The following CNTNAP2 variants were observed in gnomAD, a reference collection of about 807,000 sequenced individuals.
CNTNAP2 encodes contactin-associated protein-like 2.
In CNTNAP2, 98 loss-of-function variants were observed where a neutral mutation model predicts 155.2. That is an observed-to-expected ratio of 0.63 (90% CI 0.54 to 0.75). CNTNAP2 has a LOEUF of 0.75. Among genes scored for constraint, CNTNAP2 ranks in the 30% least tolerant of loss-of-function variants. The pLI is 0.00. For missense variants in CNTNAP2, 1,727 were observed against 1,688.1 expected (o/e 1.02, Z -0.40); for synonymous variants, 651 against 631.2 (o/e 1.03, Z -0.47).
rs150830199 is a variant in CNTNAP2, at chr7:146,720,252, G to C, written c.98-54019G>C. Among the ~76,000 whole-genome samples the C allele has an allele frequency of 2.8e-3, 426 of 152,184 alleles. 1 individual carries two copies. The highest frequency in any genetic ancestry group is 9.9e-3 in the African/African-American group (410 of 41,546). On this transcript the variant is annotated intron_variant, in intron 1 of 23. Transcript: ENST00000361727. The stretch of plus-strand genomic sequence containing the variant: ...TTATCCCTATTGTCTACTCCAAAAT[G>C]CTGTCAGCACAGTTTCTCCAGCCCC...
chr7:148,165,836 C>T lies in CNTNAP2; in HGVS notation c.2774-6406C>T, dbSNP rs890827915. Among the ~76,000 whole-genome samples the T allele has an allele frequency of 3.9e-5, 6 of 152,310 alleles. No homozygotes were observed. The East Asian group carries it at 7.7e-4, about 20-fold the overall frequency. On this transcript the variant is annotated intron_variant, in intron 17 of 23. Transcript: ENST00000361727. Reference sequence around the variant, plus strand: ...GGGATTAACCTGCAGGCAAGAAGCACGTCCTCATCATCATTTTACAAATGG... The same window carrying T: ...GGGATTAACCTGCAGGCAAGAAGCATGTCCTCATCATCATTTTACAAATGG...
chr7:146,518,353 C>G (rs1199389113), intron 1 of CNTNAP2, among the ~76,000 whole-genome samples: 14 of 151,824 alleles, frequency 9.2e-5, no homozygotes, highest in Non-Finnish European at 7.4e-5. Context: ...ATAAGAATAA[C>G]TTAAATAAAC....
intron 4 of CNTNAP2, among the ~76,000 whole-genome samples, chr7:147,097,037 A>G (rs17170318): frequency 0.027 from 4,113 of 152,316 alleles, 414 homozygotes; most frequent in East Asian, 0.19. Flanking sequence ...AAATTACAGA[A>G]TTGTTGTAAT....
intron 22 of CNTNAP2, among the ~76,000 whole-genome samples, chr7:148,400,389 G>T (rs917326289): frequency 6.6e-6 from 1 of 152,102 alleles, no homozygotes; most frequent in African/African-American, 2.4e-5. Flanking sequence ...CTTCCTTCTT[G>T]CACTCCTGTT....
intron 9 of CNTNAP2, among the ~76,000 whole-genome samples, chr7:147,387,826 AAAAACT>A (rs543946682): frequency 1.3e-3 from 205 of 152,252 alleles, no homozygotes; most frequent in African/African-American, 4.7e-3. Flanking sequence ...GAGTTTTTTA[AAAAACT>A]ATATTTTTAA....
chr7:147,684,431 C>T lies in CNTNAP2; in HGVS notation c.2098+45125C>T, dbSNP rs575875836. Among the ~76,000 whole-genome samples the T allele has an allele frequency of 5.3e-5, 8 of 151,898 alleles. No homozygotes were observed. In the East Asian group the frequency reaches 1.5e-3, roughly 29 times the overall value. On this transcript the variant is annotated intron_variant, in intron 13 of 23. Coordinates refer to ENST00000361727, the MANE Select transcript of CNTNAP2 (RefSeq NM_014141.6). ...AAATAATTATTTTCAAATATAAACA[C>T]CTCTTTATATCTTGACTTTTAGATC...
intron 21 of CNTNAP2, among the ~76,000 whole-genome samples, chr7:148,356,198 T>C (rs1798510682): frequency 1.3e-5 from 2 of 152,230 alleles, no homozygotes; most frequent in African/African-American, 4.8e-5. Flanking sequence ...TTTGCTTCTA[T>C]GTTCCATAAA....
At chr7:148,196,389 G>A (rs181073736) in intron 18 of CNTNAP2, among the ~76,000 whole-genome samples, 14 of 152,184 alleles carry the variant, frequency 9.2e-5, no homozygotes, top group South Asian at 2.1e-4. Flanking sequence ...AGCAGGATTC[G>A]GAGGAACTGG....
intron 1 of CNTNAP2, among the ~76,000 whole-genome samples, chr7:146,352,200 G>A (rs929809189): frequency 2.0e-4 from 30 of 152,092 alleles, no homozygotes; most frequent in Admixed American, 5.9e-4. Flanking sequence ...TTGTAACAGC[G>A]TCACAGTTTT....
chr7:147,195,414 G>T (rs962931672), intron 8 of CNTNAP2, among the ~76,000 whole-genome samples: 6 of 152,046 alleles, frequency 3.9e-5, no homozygotes, highest in Non-Finnish European at 7.4e-5. Context: ...CGTCTTCTTT[G>T]ATTCCATATG....
intron 3 of CNTNAP2, among the ~76,000 whole-genome samples, chr7:146,889,000 C>T (rs1232799441): frequency 1.3e-5 from 2 of 151,966 alleles, no homozygotes; most frequent in African/African-American, 2.4e-5. Flanking sequence ...CACAGAGACA[C>T]ACAGATACAC....
At chr7:146,708,588 ATTTTTTT>A (rs71165029) in intron 1 of CNTNAP2, among the ~76,000 whole-genome samples, 4 of 63,972 alleles carry the variant, frequency 6.3e-5, no homozygotes, top group East Asian at 6.4e-4. Context: ...AAAAAAAGTG[ATTTTTTT>A]TTTTTTTTTT....
intron 3 of CNTNAP2, among the ~76,000 whole-genome samples, chr7:146,993,072 G>C (rs1221217484): frequency 6.6e-6 from 1 of 152,176 alleles, no homozygotes; most frequent in East Asian, 1.9e-4. Context: ...GAACGCAGGA[G>C]AGATGGAGGC....
At chr7:146,743,158 T>C (rs866858358) in intron 1 of CNTNAP2, among the ~76,000 whole-genome samples, 10 of 152,198 alleles carry the variant, frequency 6.6e-5, no homozygotes, top group Non-Finnish European at 7.4e-5. Flanking sequence ...CACTCTGACA[T>C]AGTGAAATTG....
chr7:148,029,861 A>G lies in CNTNAP2; in HGVS notation c.2383+51872A>G, dbSNP rs1802441179. Among the ~76,000 whole-genome samples the G allele has an allele frequency of 2.0e-5, 3 of 152,290 alleles. No individual in the cohort carries two copies. In the South Asian group the frequency reaches 6.2e-4, roughly 32 times the overall value. Reference sequence around the variant, plus strand: ...ATGAACATAAGACCAATTATCTGCAAATACTCCTGTAAGGTATATTTCCAG... The same window carrying G: ...ATGAACATAAGACCAATTATCTGCAGATACTCCTGTAAGGTATATTTCCAG... On this transcript the variant is annotated intron_variant, in intron 15 of 23. Transcript: ENST00000361727.
chr7:147,550,399 C>T (rs1329341012), intron 11 of CNTNAP2, among the ~76,000 whole-genome samples: 3 of 152,124 alleles, frequency 2.0e-5, no homozygotes, highest in Non-Finnish European at 2.9e-5. Flanking sequence ...TAGGAGTTCC[C>T]CTGCACAATC....
At chr7:147,526,654 A>G (rs1203504726) in intron 11 of CNTNAP2, among the ~76,000 whole-genome samples, 3 of 152,198 alleles carry the variant, frequency 2.0e-5, no homozygotes, top group Non-Finnish European at 4.4e-5. Context: ...TATATAGGTC[A>G]ACAGATTCTA....
intron 12 of CNTNAP2, among the ~76,000 whole-genome samples, chr7:147,636,473 C>T (rs190040712): frequency 2.6e-5 from 4 of 152,156 alleles, no homozygotes; most frequent in East Asian, 3.9e-4. Context: ...ATGTGCAGAA[C>T]GTGCAGGTTT....
chr7:147,717,001 G>A (rs1396503706), intron 13 of CNTNAP2, among the ~76,000 whole-genome samples: 2 of 151,992 alleles, frequency 1.3e-5, no homozygotes, highest in Non-Finnish European at 2.9e-5. Context: ...TACATGCTTG[G>A]CAAATACATA....
Sources: allele counts gnomAD v4.1 joint callset (sites outside exome capture counted in the v4.1 genomes callset), GRCh38; gene constraint gnomAD v4.1.1; transcripts MANE v1.5; gene names NCBI Gene and HGNC (gene_info 2026-07-23, HGNC 2026-07-21).